SYN3: variants seen among roughly 807,000 people sequenced by gnomAD.
SYN3 encodes synapsin III.
A neutral mutation model predicts 65.8 loss-of-function variants in SYN3; 35 were observed. The observed-to-expected ratio is 0.53, with a 90% CI of 0.41 to 0.70. SYN3 has a LOEUF of 0.70. SYN3 is among the 30% of genes least tolerant of loss of function. The probability of loss-of-function intolerance (pLI) is 0.00; values close to 1 mark genes in which losing one functional copy is unlikely to be tolerated. For missense variants in SYN3, 680 were observed against 749.0 expected (o/e 0.91, Z 1.08); for synonymous variants, 270 against 292.9 (o/e 0.92, Z 0.80).
At chr22:32,912,214 A>G (rs2050069929) in intron 4 of SYN3, among the ~76,000 whole-genome samples, 1 of 152,210 alleles carries the variant, frequency 6.6e-6, no homozygotes, top group Non-Finnish European at 1.5e-5. Context: ...ATGGAGGTCA[A>G]TATGAGAGGG....
At chr22:32,660,894 A>T (rs2060207849) in intron 6 of SYN3, among the ~76,000 whole-genome samples, 1 of 152,174 alleles carries the variant, frequency 6.6e-6, no homozygotes, top group Admixed American at 6.5e-5. Context: ...TGGGCCATTA[A>T]CATCCTTGAC....
chr22:32,840,755 G>T (rs2146194930), intron 6 of SYN3, among the ~76,000 whole-genome samples: 1 of 152,232 alleles, frequency 6.6e-6, no homozygotes, highest in South Asian at 2.1e-4. Flanking sequence ...GCCATCTCCA[G>T]GGCGATTCCC....
intron 6 of SYN3, among the ~76,000 whole-genome samples, chr22:32,600,535 G>A (rs1241408719): frequency 6.6e-6 from 1 of 152,208 alleles, no homozygotes; most frequent in Non-Finnish European, 1.5e-5. Flanking sequence ...TGAAGGATGA[G>A]TAGGTTGTGG....
intron 6 of SYN3, among the ~76,000 whole-genome samples, chr22:32,650,963 C>A (rs980109623): frequency 3.9e-5 from 6 of 152,184 alleles, no homozygotes; most frequent in Non-Finnish European, 7.3e-5. Context: ...TTGTGGGGAA[C>A]ATACTTAGCG....
At position 32,596,743 on chromosome 22, in the gene SYN3, G is replaced by A. The variant is rs191241866; in HGVS notation, c.712-7C>T. The A allele has an allele frequency of 2.5e-4, 398 of 1,613,794 alleles. 1 individual carries two copies. The East Asian group carries it at 8.2e-3, about 33-fold the overall frequency. On this transcript the variant is annotated splice_polypyrimidine_tract_variant and splice_region_variant and intron_variant, in intron 6 of 13. Coordinates refer to ENST00000358763, the MANE Select transcript of SYN3 (RefSeq NM_003490.4). ...GGAAGTGTGGGGCTGTGACCTGAAA[G>A]AGACAAGAAGAAGTCACTCTTAACA...
intron 6 of SYN3, among the ~76,000 whole-genome samples, chr22:32,621,596 T>C (rs1199473356): frequency 6.6e-6 from 1 of 152,142 alleles, no homozygotes; most frequent in Admixed American, 6.5e-5. Context: ...TGCCAAGCAA[T>C]GCACCTGGTG....
intron 6 of SYN3, among the ~76,000 whole-genome samples, chr22:32,753,323 G>A (rs1218250232): frequency 1.3e-5 from 2 of 152,096 alleles, no homozygotes; most frequent in African/African-American, 2.4e-5. Context: ...AACCCCAGGG[G>A]CCCACACTTG....
chr22:32,944,990 T>C (rs2051060252), intron 3 of SYN3, among the ~76,000 whole-genome samples: 2 of 152,204 alleles, frequency 1.3e-5, no homozygotes, highest in African/African-American at 4.8e-5. Flanking sequence ...ACAAGGGATG[T>C]GAAGGATCTC....
At chr22:32,620,844 C>T (rs551011798) in intron 6 of SYN3, among the ~76,000 whole-genome samples, 39 of 152,122 alleles carry the variant, frequency 2.6e-4, no homozygotes, top group African/African-American at 7.7e-4. Context: ...CTCAGCCTCC[C>T]GAGTAGCTGG....
intron 7 of SYN3, among the ~76,000 whole-genome samples, chr22:32,559,118 T>TA (rs1410487760): frequency 6.6e-6 from 1 of 152,222 alleles, no homozygotes; most frequent in African/African-American, 2.4e-5. Flanking sequence ...TCCCATTTCA[T>TA]ACATGAACAA....
rs549662882 is a variant in SYN3, at chr22:32,575,393, C to T, written c.774+21281G>A. Among the ~76,000 whole-genome samples, 24 of 152,070 alleles carry T rather than the reference C, an allele frequency of 1.6e-4. No homozygotes were observed. The South Asian group carries it at 2.3e-3, about 15-fold the overall frequency. ...GCAAGAAGAGAAGGACCATGACAGA[C>T]GTGTTCTGGCGAGGGAGTGGGTGGG... On this transcript the variant is annotated intron_variant, in intron 7 of 13. Transcript: ENST00000358763.
intron 1 of SYN3, among the ~76,000 whole-genome samples, chr22:33,040,366 C>A (rs2053941802): frequency 6.6e-6 from 1 of 152,036 alleles, no homozygotes; most frequent in African/African-American, 2.4e-5. Context: ...TGCTTTGACC[C>A]TCCCTTAATC....
chr22:32,950,552 C>CT (rs1430082817), intron 3 of SYN3, among the ~76,000 whole-genome samples: 2 of 152,180 alleles, frequency 1.3e-5, no homozygotes, highest in Admixed American at 1.3e-4. Flanking sequence ...GCCATAAACT[C>CT]TAATTCCCGG....
At chr22:32,879,156 C>A (rs138841851) in intron 4 of SYN3, among the ~76,000 whole-genome samples, 1 of 152,296 alleles carries the variant, frequency 6.6e-6, no homozygotes, top group Non-Finnish European at 1.5e-5. Flanking sequence ...AACTCTGCAG[C>A]TGCAGTCTCT....
intron 6 of SYN3, among the ~76,000 whole-genome samples, chr22:32,713,077 G>A (rs2060987201): frequency 1.3e-5 from 2 of 151,980 alleles, no homozygotes; most frequent in South Asian, 4.1e-4. Context: ...TCACTGTATC[G>A]TCAAACCCAG....
At chr22:32,750,579 T>C (rs919598807) in intron 6 of SYN3, among the ~76,000 whole-genome samples, 1 of 151,894 alleles carries the variant, frequency 6.6e-6, no homozygotes, top group African/African-American at 2.4e-5. Context: ...GGCCACTGGA[T>C]GGGGTGGAGT....
intron 4 of SYN3, among the ~76,000 whole-genome samples, chr22:32,921,757 T>G (rs1355775498): frequency 1.3e-5 from 2 of 152,240 alleles, no homozygotes; most frequent in Non-Finnish European, 2.9e-5. Flanking sequence ...CCAGGCATTG[T>G]GTTTAGCATT....
intron 4 of SYN3, among the ~76,000 whole-genome samples, chr22:32,881,850 G>GT (rs2049147723): frequency 6.6e-6 from 1 of 152,174 alleles, no homozygotes; most frequent in South Asian, 2.1e-4. Flanking sequence ...GAGGTCAGGA[G>GT]TTCGAGACCA....
intron 6 of SYN3, among the ~76,000 whole-genome samples, chr22:32,776,206 C>A (rs557965497): frequency 2.1e-4 from 32 of 152,266 alleles, no homozygotes; most frequent in African/African-American, 7.5e-4. Flanking sequence ...AGAGGGAGCA[C>A]AACCCTGGCG....
Sources: gnomAD v4.1 joint callset for allele counts (sites outside exome capture counted in the v4.1 genomes callset) on GRCh38, gnomAD v4.1.1 for gene constraint, MANE v1.5 for transcripts, NCBI Gene and HGNC (gene_info 2026-07-23, HGNC 2026-07-21) for gene names.